Variants in SKIC2 observed in about 807,000 individuals in gnomAD.
The protein encoded by SKIC2 is superkiller complex protein 2.
the SKIC2 span, chr6:31,959,443 A>G: frequency 8.2e-6 from 11 of 1,347,394 alleles, no homozygotes; most frequent in Non-Finnish European, 1.2e-5. Context: ...CATTGAGTCC[A>G]AACCTCCTTC....
chr6:31,963,970 G>C, the SKIC2 span: 1 of 1,612,358 alleles, frequency 6.2e-7, no homozygotes, highest in Non-Finnish European at 8.5e-7. The surrounding 1 kb of genome is among the most constrained non-coding windows in gnomAD (Gnocchi z 5.3). Flanking sequence ...CCAGTTGCCC[G>C]TGGTGGTGTT....
At chr6:31,969,032 C>T in the SKIC2 span, 1 of 1,612,540 alleles carries the variant, frequency 6.2e-7, no homozygotes, top group Non-Finnish European at 8.5e-7. The surrounding 1 kb of genome is among the most constrained non-coding windows in gnomAD (Gnocchi z 6.1). Context: ...TGCTCTCTGG[C>T]CTGGTCTGCC....
the SKIC2 span, chr6:31,960,683 AC>A: frequency 6.3e-7 from 1 of 1,589,042 alleles, no homozygotes; most frequent in South Asian, 1.1e-5. Flanking sequence ...GGATGAACCC[AC>A]CATAACAGAT....
the SKIC2 span, chr6:31,959,862 G>C: frequency 1.6e-6 from 1 of 630,834 alleles, no homozygotes; most frequent in South Asian, 1.9e-5. Context: ...AGGTAATTCA[G>C]TAGCAGGTAG....
chr6:31,963,427 G>C, the SKIC2 span: 3 of 1,584,268 alleles, frequency 1.9e-6, no homozygotes. This position sits in a 1 kb window ranked among gnomAD's most constrained non-coding sequence, Gnocchi z 5.3. Flanking sequence ...CTGAAGCGTC[G>C]TCAGATCTAT....
chr6:31,967,156 G>C, the SKIC2 span: 1 of 1,608,164 alleles, frequency 6.2e-7, no homozygotes, highest in South Asian at 1.1e-5. The surrounding 1 kb of genome is among the most constrained non-coding windows in gnomAD (Gnocchi z 4.9). Flanking sequence ...GCAAGTGTGA[G>C]TGCTGAGGAG....
the SKIC2 span, chr6:31,962,484 C>T: frequency 6.2e-7 from 1 of 1,614,144 alleles, no homozygotes; most frequent in South Asian, 1.1e-5. This position sits in a 1 kb window ranked among gnomAD's most constrained non-coding sequence, Gnocchi z 5.0. Context: ...ACCAGAAGTT[C>T]CGGGACTTCC....
chr6:31,959,326 C>G, the SKIC2 span: 1 of 1,613,946 alleles, frequency 6.2e-7, no homozygotes, highest in Non-Finnish European at 8.5e-7. Context: ...CCTGGACCTA[C>G]CCCTTCGGGC....
At chr6:31,968,507 A>G in the SKIC2 span, 1 of 1,612,844 alleles carries the variant, frequency 6.2e-7, no homozygotes, top group Non-Finnish European at 8.5e-7. The surrounding 1 kb of genome is among the most constrained non-coding windows in gnomAD (Gnocchi z 6.1). Context: ...CAGGGGGCTC[A>G]GTGTGTACAC....
the SKIC2 span, chr6:31,968,489 A>T: frequency 6.2e-7 from 1 of 1,612,868 alleles, no homozygotes; most frequent in South Asian, 1.1e-5. The surrounding 1 kb of genome is among the most constrained non-coding windows in gnomAD (Gnocchi z 6.1). Flanking sequence ...AAGCTGGAGG[A>T]GCTGATCCAG....
chr6:31,959,219 G>A, the SKIC2 span: 11 of 1,608,506 alleles, frequency 6.8e-6, no homozygotes, highest in South Asian at 1.1e-4. Context: ...GACTTGGTGA[G>A]GGGGAGGGGA....
chr6:31,962,194 C>T, the SKIC2 span: 1 of 976,736 alleles, frequency 1.0e-6, no homozygotes. This position sits in a 1 kb window ranked among gnomAD's most constrained non-coding sequence, Gnocchi z 5.0. Context: ...AGACAAGAGC[C>T]CAGAGAGAAA....
the SKIC2 span, chr6:31,967,834 C>T: frequency 6.2e-6 from 10 of 1,612,826 alleles, no homozygotes; most frequent in South Asian, 4.4e-5. The surrounding 1 kb of genome is among the most constrained non-coding windows in gnomAD (Gnocchi z 4.9). Flanking sequence ...CAGATGACCT[C>T]GTGGGATTCA....
chr6:31,966,087 T>C, the SKIC2 span: 1 of 960,958 alleles, frequency 1.0e-6, no homozygotes, highest in Non-Finnish European at 1.5e-6. The surrounding 1 kb of genome is among the most constrained non-coding windows in gnomAD (Gnocchi z 5.9). Context: ...TTCTCCTCTC[T>C]TCTTTTTCTT....
the SKIC2 span, chr6:31,962,187 CAA>C: frequency 3.0e-6 from 3 of 993,016 alleles, no homozygotes; most frequent in Admixed American, 2.1e-5. This position sits in a 1 kb window ranked among gnomAD's most constrained non-coding sequence, Gnocchi z 5.0. Flanking sequence ...AAGACTGAGA[CAA>C]GAGCCCAGAG....
chr6:31,967,693 T>C, the SKIC2 span: 4 of 1,612,224 alleles, frequency 2.5e-6, no homozygotes, highest in Non-Finnish European at 3.4e-6. The surrounding 1 kb of genome is among the most constrained non-coding windows in gnomAD (Gnocchi z 4.9). Context: ...CCCCCTCTCC[T>C]GGCCTCTCTG....
chr6:31,969,243 A>G, the SKIC2 span: 2 of 1,610,908 alleles, frequency 1.2e-6, no homozygotes, highest in Non-Finnish European at 8.5e-7. This position sits in a 1 kb window ranked among gnomAD's most constrained non-coding sequence, Gnocchi z 6.1. Context: ...GTCCTGGAGC[A>G]GGAAGGCAGG....
At chr6:31,965,136 GAAAC>G in the SKIC2 span, among the ~76,000 whole-genome samples, 1 of 152,184 alleles carries the variant, frequency 6.6e-6, no homozygotes, top group African/African-American at 2.4e-5. The surrounding 1 kb of genome is among the most constrained non-coding windows in gnomAD (Gnocchi z 5.6). Flanking sequence ...AACAAACAAA[GAAAC>G]AAACAAAAAC....
At chr6:31,966,023 C>T in the SKIC2 span, 1 of 1,542,038 alleles carries the variant, frequency 6.5e-7, no homozygotes, top group Non-Finnish European at 8.9e-7. The surrounding 1 kb of genome is among the most constrained non-coding windows in gnomAD (Gnocchi z 5.9). Context: ...GGTGAGCGGG[C>T]CAGCATGCTC....
Sources: allele counts gnomAD v4.1 joint callset (sites outside exome capture counted in the v4.1 genomes callset), GRCh38; gene constraint gnomAD v4.1.1; non-coding constraint Gnocchi (gnomAD v3.1); transcripts MANE v1.5; gene names NCBI Gene and HGNC (gene_info 2026-07-23, HGNC 2026-07-21).